Variants in KIF26B observed in about 807,000 individuals in gnomAD.
The protein encoded by KIF26B is kinesin family member 26B, also known as kinesin-like protein KIF26B.
A neutral mutation model predicts 151.2 loss-of-function variants in KIF26B; 63 were observed. That is an observed-to-expected ratio of 0.42 (90% CI 0.34 to 0.51). The LOEUF (loss-of-function observed/expected upper bound fraction) is 0.51. KIF26B is among the 20% of genes least tolerant of loss of function. The probability of loss-of-function intolerance (pLI) is 0.07; values close to 1 mark genes in which losing one functional copy is unlikely to be tolerated. For missense variants in KIF26B, 2,813 were observed against 2,913.6 expected, an observed-to-expected ratio of 0.97 and a Z score of 0.79; for synonymous variants, 1,357 against 1,262.1, an observed-to-expected ratio of 1.08 and a Z score of -1.59.
chr1:245,586,834 C>T (rs916442094), intron 5 of KIF26B, among the ~76,000 whole-genome samples: 2 of 148,710 alleles, frequency 1.3e-5, no homozygotes, highest in Non-Finnish European at 3.0e-5. Context: ...TGCAGTGAGC[C>T]GAGATTGCGC....
At chr1:245,558,664 T>C (rs1662094779) in intron 5 of KIF26B, among the ~76,000 whole-genome samples, 1 of 152,228 alleles carries the variant, frequency 6.6e-6, no homozygotes, top group Non-Finnish European at 1.5e-5. Context: ...GCTCAGAAGG[T>C]TGCGGGGACA....
At chr1:245,376,342 G>A (rs528642975) in intron 3 of KIF26B, among the ~76,000 whole-genome samples, 24 of 152,268 alleles carry the variant, frequency 1.6e-4, no homozygotes, top group African/African-American at 5.3e-4. Context: ...GGGGATTCCG[G>A]AGCAGGGGAA....
At chr1:245,672,239 T>C (rs1463620015) in intron 10 of KIF26B, among the ~76,000 whole-genome samples, 1 of 152,020 alleles carries the variant, frequency 6.6e-6, no homozygotes, top group Non-Finnish European at 1.5e-5. Flanking sequence ...GATCCCCAAC[T>C]GAGTGCTGGA....
rs376897083 is a variant in KIF26B, at chr1:245,684,374, G to A, written c.2400G>A (p.Arg800=). The A allele has an allele frequency of 3.1e-6, 5 of 1,611,688 alleles. No individual in the cohort carries two copies. In the African/African-American group the frequency reaches 6.7e-5, roughly 22 times the overall value. The change falls in exon 11 of 15, where the codon AGG becomes AGA. Residue 800 remains arginine (R), a synonymous_variant. Transcript: ENST00000407071. ...TCCAGATTGCATCGAGAGTCTTGAG[G>A]ATGAAGAAAAAGAAGACGAAGGTAA... The part of the protein sequence containing the change: ...STIQIASRVL[R]MKKKKTKYTS...
intron 2 of KIF26B, among the ~76,000 whole-genome samples, chr1:245,204,571 G>A (rs898425600): frequency 2.0e-5 from 3 of 151,820 alleles, no homozygotes; most frequent in East Asian, 1.9e-4. Context: ...GCGGGGTTTC[G>A]CCATGTTGGC....
chr1:245,262,776 G>T (rs1471436239), intron 2 of KIF26B, among the ~76,000 whole-genome samples: 1 of 152,162 alleles, frequency 6.6e-6, no homozygotes, highest in Non-Finnish European at 1.5e-5. Context: ...CTTAATGAGA[G>T]ACTCTTGAGT....
At chr1:245,589,064 C>T (rs1033914970) in intron 5 of KIF26B, among the ~76,000 whole-genome samples, 3 of 152,296 alleles carry the variant, frequency 2.0e-5, no homozygotes, top group Admixed American at 6.5e-5. Context: ...ATTCAGTATA[C>T]GTCGGGCTCT....
chr1:245,461,915 A>G (rs1248959644), intron 4 of KIF26B, among the ~76,000 whole-genome samples: 1 of 152,112 alleles, frequency 6.6e-6, no homozygotes. Flanking sequence ...GAAGTTTGAG[A>G]CCAGCCCTGG....
At chr1:245,640,490 G>T (rs1436265165) in intron 9 of KIF26B, among the ~76,000 whole-genome samples, 2 of 151,696 alleles carry the variant, frequency 1.3e-5, no homozygotes, top group African/African-American at 2.4e-5. Context: ...CTTTTATTTG[G>T]AGAATTTAGT....
chr1:245,686,744 C>T lies in KIF26B; in HGVS notation c.3761C>T (p.Thr1254Ile). ...GCCCCCGTCTCCGAGGTCAGCATCA[C>T]ACAGTTCTTGCCCCTCCCGAAGATG... ...STAPVSEVSI[T>I]QFLPLPKMSL... The change falls in exon 12 of 15, where the codon ACA (threonine) becomes ATA (isoleucine). Residue 1254 changes from threonine (T) to isoleucine (I), a missense_variant. This residue lies in a region of KIF26B where 2,060 missense variants were observed against 2,088.6 expected (regional missense o/e 0.99). Transcript: ENST00000407071. This position sits in a 1 kb window ranked among gnomAD's most constrained non-coding sequence, Gnocchi z 5.6. 6.2e-7 allele frequency: 1 copy of T among 1,613,594 alleles called. No individual in the cohort carries two copies. Among genetic ancestry groups the T allele is most frequent in the Middle Eastern group, 1.6e-4 (1 of 6,062 alleles).
At chr1:245,296,102 G>T (rs1286509901) in intron 2 of KIF26B, among the ~76,000 whole-genome samples, 2 of 152,020 alleles carry the variant, frequency 1.3e-5, no homozygotes, top group East Asian at 3.9e-4. Context: ...TATTGAATTG[G>T]GTTGTACATG....
rs1178299812 is a variant in KIF26B at position 245,688,216 on chromosome 1, G to A, written c.5233G>A (p.Ala1745Thr). 1.3e-6 allele frequency: 2 copies of A among 1,588,884 alleles called. No individual in the cohort carries two copies. The highest frequency in any genetic ancestry group is 1.7e-5 in the Admixed American group (1 of 59,286). ...CAGACTCCTCCTGGCCAGCCCCAGA[G>A]CGCGCGGCCCGTCCGCCTCCACCAC... ...VSRLLLASPR[A>T]RGPSASTTKT... Residue 1745 changes from alanine to threonine, a missense_variant, in exon 12 of 15, where the codon GCG (alanine) becomes ACG (threonine). This residue lies in a region of KIF26B where 2,060 missense variants were observed against 2,088.6 expected (regional missense o/e 0.99). Coordinates refer to ENST00000407071, the MANE Select transcript of KIF26B (RefSeq NM_018012.4).
At chr1:245,408,634 C>T (rs115035205) in intron 3 of KIF26B, among the ~76,000 whole-genome samples, 3,985 of 152,234 alleles carry the variant, frequency 0.026, 88 homozygotes, top group South Asian at 0.041. Context: ...GAATTACCAG[C>T]GTGAGCCACC....
chr1:245,447,525 G>C (rs1451927196), intron 4 of KIF26B, among the ~76,000 whole-genome samples: 1 of 152,116 alleles, frequency 6.6e-6, no homozygotes, highest in African/African-American at 2.4e-5. Flanking sequence ...AATAGGATTA[G>C]TGCCCTTATC....
intron 4 of KIF26B, among the ~76,000 whole-genome samples, chr1:245,459,062 G>A (rs1023505831): frequency 6.6e-6 from 1 of 152,174 alleles, no homozygotes; most frequent in Non-Finnish European, 1.5e-5. Flanking sequence ...ACTTACTGCA[G>A]ACTTACTTCC....
At chr1:245,219,054 G>A (rs776426570) in intron 2 of KIF26B, among the ~76,000 whole-genome samples, 2 of 150,824 alleles carry the variant, frequency 1.3e-5, no homozygotes, top group Admixed American at 6.6e-5. Flanking sequence ...TGTTCTGACC[G>A]TGGGTTACTT....
At chr1:245,171,318 C>T (rs540100548) in intron 2 of KIF26B, among the ~76,000 whole-genome samples, 349 of 152,194 alleles carry the variant, frequency 2.3e-3, no homozygotes, top group Middle Eastern at 6.8e-3. Context: ...CCAAGGCGGG[C>T]GGATCACGAT....
intron 9 of KIF26B, among the ~76,000 whole-genome samples, chr1:245,623,738 T>C (rs569699165): frequency 1.3e-5 from 2 of 152,316 alleles, no homozygotes; most frequent in African/African-American, 2.4e-5. Context: ...ATATAAGGTA[T>C]ATATGAAACA....
intron 2 of KIF26B, among the ~76,000 whole-genome samples, chr1:245,231,134 A>G (rs1235918488): frequency 6.6e-6 from 1 of 152,214 alleles, no homozygotes; most frequent in Non-Finnish European, 1.5e-5. Context: ...GAATCAGAGA[A>G]AAAGTGATAT....
Sources: allele counts gnomAD v4.1 joint callset (sites outside exome capture counted in the v4.1 genomes callset), GRCh38; gene constraint gnomAD v4.1.1; regional missense constraint gnomAD v4.1.1; non-coding constraint Gnocchi (gnomAD v3.1); transcripts MANE v1.5; gene names NCBI Gene and HGNC (gene_info 2026-07-23, HGNC 2026-07-21).